The following GDF10 variants were observed in gnomAD, a reference collection of about 807,000 sequenced individuals.
GDF10 encodes growth/differentiation factor 10.
GDF10 carries 23 observed loss-of-function variants against 32.1 expected under a neutral mutation model. The ratio of observed to expected loss-of-function variants is 0.72; its 90% CI spans 0.52 to 1.02. GDF10 has a LOEUF of 1.02. Ranked by LOEUF, GDF10 falls within the 50% of genes least tolerant of loss-of-function variation. The pLI is 0.00. For synonymous variants in GDF10, 328 were observed against 303.1 expected (o/e 1.08, Z -0.85); for missense variants, 764 against 673.9 (o/e 1.13, Z -1.48).
At position 47,309,947 on chromosome 10, in the gene GDF10, T is replaced by G. The variant is rs2061037629; in HGVS notation, c.471T>G (p.Ala157=). 6.2e-7 allele frequency: 1 copy of G among 1,612,462 alleles called. No homozygotes were observed. The highest frequency in any genetic ancestry group is 1.3e-5 in the African/African-American group (1 of 74,926). Residue 157 remains alanine (A), a synonymous_variant, in exon 2 of 3, where the codon GCT becomes GCG. Transcript: ENST00000580279. ...EVLCKPRAKN[A]SGRPLPLGPP... Reference sequence around the variant, plus strand: ...TATGCAAGCCGCGGGCCAAGAACGCTTCAGGCCGCCCGCTGCCCCTGGGCC... The same window carrying G: ...TATGCAAGCCGCGGGCCAAGAACGCGTCAGGCCGCCCGCTGCCCCTGGGCC...
rs541506676 is a variant in GDF10 at position 47,300,383 on chromosome 10, C to A, written c.-269C>A. On this transcript the variant is annotated 5_prime_UTR_variant, in exon 1 of 3. Transcript: ENST00000580279. ...TCGCGGCGCGAGTCCGCCAAGGCAGCGCGCCGACTCGGGCTCGGCTCGGCT... is the reference window on the plus strand; with the variant it reads ...TCGCGGCGCGAGTCCGCCAAGGCAGAGCGCCGACTCGGGCTCGGCTCGGCT... 4 of 368,682 alleles carry A rather than the reference C, an allele frequency of 1.1e-5. No homozygotes were observed. The highest frequency in any genetic ancestry group is 1.4e-5 in the Non-Finnish European group (3 of 207,968). The allele number at this position is 368,682 out of a possible 1,614,324, so 22.8% of individuals were successfully genotyped here. A position where few individuals can be genotyped will look rare whatever the true frequency, so the allele number is the denominator to read the frequency against.
intron 1 of GDF10, among the ~76,000 whole-genome samples, chr10:47,308,684 C>T (rs558417066): frequency 6.6e-6 from 1 of 152,108 alleles, no homozygotes; most frequent in Non-Finnish European, 1.5e-5. Flanking sequence ...CCTCTCCAGA[C>T]GTTCCCCAGC....
In GDF10 at chr10:47,310,223, C is replaced by T. The variant is rs782775880; in HGVS notation, c.747C>T (p.Asn249=). ...CGCCCTACATCCTAGTCTATGCCAACGATCTGGCCATCTCGGAGCCCAACA... is the reference window on the plus strand; with the variant it reads ...CGCCCTACATCCTAGTCTATGCCAATGATCTGGCCATCTCGGAGCCCAACA... The part of the protein sequence containing the change: ...PYAPYILVYA[N]DLAISEPNSV... The change falls in exon 2 of 3, where the codon AAC becomes AAT. Residue 249 remains asparagine (N), a synonymous_variant. Transcript: ENST00000580279. 5.6e-6 allele frequency: 9 copies of T among 1,610,692 alleles called. No homozygotes were observed. Among genetic ancestry groups the T allele is most frequent in the Middle Eastern group, 1.7e-4 (1 of 6,060 alleles).
Position 47,313,502 on chromosome 10 carries a change from C to T in GDF10, c.*710C>T, listed in dbSNP as rs549415852. The T allele has an allele frequency of 5.9e-5, 9 of 152,690 alleles. No homozygotes were observed. The highest frequency in any genetic ancestry group is 2.2e-4 in the African/African-American group (9 of 41,552). The allele number at this position is 152,690 out of a possible 1,614,324, so 9.5% of individuals were successfully genotyped here. Reference sequence around the variant, plus strand: ...TTTATATTTTTGTAAATTATACTTTCTATACTGTAGATTGTGTATGTTATG... The same window carrying T: ...TTTATATTTTTGTAAATTATACTTTTTATACTGTAGATTGTGTATGTTATG... On this transcript the variant is annotated 3_prime_UTR_variant, in exon 3 of 3. Coordinates refer to ENST00000580279, the MANE Select transcript of GDF10 (RefSeq NM_004962.5).
chr10:47,311,457 G>A (rs1565749454), intron 2 of GDF10, among the ~76,000 whole-genome samples: 1 of 152,182 alleles, frequency 6.6e-6, no homozygotes, highest in Non-Finnish European at 1.5e-5. Flanking sequence ...TCTGCCCAGG[G>A]CAGGTCATGC....
Position 47,309,930 on chromosome 10 carries a change from C to A in GDF10, c.454C>A (p.Pro152Thr), listed in dbSNP as rs1555207425. The change falls in exon 2 of 3, where the codon CCG (proline) becomes ACG (threonine). Residue 152 changes from proline (P) to threonine (T), a missense_variant. Physicochemically the swap from Pro to Thr is conservative, Grantham distance 38. Coordinates refer to ENST00000580279, the MANE Select transcript of GDF10 (RefSeq NM_004962.5). ...WPRALEVLCK[P>T]RAKNASGRPL... Reference sequence around the variant, plus strand: ...TCGAGCGCTCGAGGTGCTATGCAAGCCGCGGGCCAAGAACGCTTCAGGCCG... The same window carrying A: ...TCGAGCGCTCGAGGTGCTATGCAAGACGCGGGCCAAGAACGCTTCAGGCCG... The A allele has an allele frequency of 6.2e-7, 1 of 1,612,932 alleles. No homozygotes were observed. Among genetic ancestry groups the A allele is most frequent in the African/African-American group, 1.3e-5 (1 of 75,068 alleles).
At position 47,310,647 on chromosome 10, in the gene GDF10, A is replaced by C. The variant is rs782417528; in HGVS notation, c.1171A>C (p.Asn391His). The change falls in exon 2 of 3, where the codon AAT becomes CAT. Residue 391 changes from asparagine (N) to histidine (H), a missense_variant. By Grantham distance (68) the Asn-to-His change is moderately conservative (BLOSUM62 1). Coordinates refer to ENST00000580279, the MANE Select transcript of GDF10 (RefSeq NM_004962.5). ...GGTGGACTTCGCAGACATCGGCTGGAATGAATGGATAATCTCACCGAAATC... is the reference window on the plus strand; with the variant it reads ...GGTGGACTTCGCAGACATCGGCTGGCATGAATGGATAATCTCACCGAAATC... ...LKVDFADIGW[N>H]EWIISPKSFD... 6.2e-7 allele frequency: 1 copy of C among 1,613,604 alleles called. No individual in the cohort carries two copies. Among genetic ancestry groups the C allele is most frequent in the Non-Finnish European group, 8.5e-7 (1 of 1,179,938 alleles).
At position 47,310,157 on chromosome 10, in the gene GDF10, TGAG is replaced by T; in HGVS notation, c.685_687del (p.Glu229del). The T allele has an allele frequency of 3.7e-6, 6 of 1,612,162 alleles. No homozygotes were observed. Among genetic ancestry groups the T allele is most frequent in the Non-Finnish European group, 5.1e-6 (6 of 1,179,514 alleles). ...TGCTCCTCTCCGCCCAGCTGGATTC[TGAG>T]GAGAGGGACCCGGGGGTGCCCCGGC... On this transcript the variant is annotated inframe_deletion, in exon 2 of 3. Transcript: ENST00000580279.
At chr10:47,308,383 A>G (rs2061030779) in intron 1 of GDF10, among the ~76,000 whole-genome samples, 1 of 152,102 alleles carries the variant, frequency 6.6e-6, no homozygotes, top group Admixed American at 6.5e-5. Flanking sequence ...TAAATAAGGT[A>G]ATGGCTTCAG....
At position 47,310,120 on chromosome 10, in the gene GDF10, G is replaced by A. The variant is rs34451628; in HGVS notation, c.644G>A (p.Arg215Gln). Reference protein sequence around the residue: ...DISPIVKAARRDGELLLSAQL... With the variant: ...DISPIVKAARQDGELLLSAQL... Reference sequence around the variant, plus strand: ...TCCCCCATCGTCAAGGCGGCCCGCCGGGATGGCGAGCTGCTCCTCTCCGCC... The same window carrying A: ...TCCCCCATCGTCAAGGCGGCCCGCCAGGATGGCGAGCTGCTCCTCTCCGCC... Residue 215 changes from arginine (R) to glutamine (Q), a missense_variant, in exon 2 of 3, where the codon CGG becomes CAG. Coordinates refer to ENST00000580279, the MANE Select transcript of GDF10 (RefSeq NM_004962.5). The A allele has an allele frequency of 1.0e-3, 1,638 of 1,610,418 alleles. 19 individuals carry two copies. In the African/African-American group the frequency reaches 0.02, roughly 19 times the overall value.
chr10:47,304,416 G>GAGAC (rs1555207056), intron 1 of GDF10, among the ~76,000 whole-genome samples: 1 of 151,962 alleles, frequency 6.6e-6, no homozygotes, highest in East Asian at 1.9e-4. Flanking sequence ...AGGAAGAGGA[G>GAGAC]AGACTGCAGG....
chr10:47,310,601 G>T lies in GDF10; in HGVS notation c.1125G>T (p.Val375=), dbSNP rs781893644. Residue 375 remains valine (V), a synonymous_variant, in exon 2 of 3, where the codon GTG becomes GTT. Transcript: ENST00000580279. ...ARRKQWDEPR[V]CSRRYLKVDF... The stretch of plus-strand genomic sequence containing the variant: ...GGAAGCAGTGGGATGAGCCGAGGGT[G>T]TGCTCCCGGAGGTACCTGAAGGTGG... 6.2e-7 allele frequency: 1 copy of T among 1,614,116 alleles called. No individual in the cohort carries two copies. Among genetic ancestry groups the T allele is most frequent in the East Asian group, 2.2e-5 (1 of 44,874 alleles).
chr10:47,304,200 T>C (rs2061014353), intron 1 of GDF10, among the ~76,000 whole-genome samples: 1 of 152,018 alleles, frequency 6.6e-6, no homozygotes, highest in Non-Finnish European at 1.5e-5. Context: ...TTGGTTTTAA[T>C]GATAACGCAA....
At chr10:47,305,568 TC>T (rs1421114737) in intron 1 of GDF10, among the ~76,000 whole-genome samples, 1 of 152,218 alleles carries the variant, frequency 6.6e-6, no homozygotes, top group East Asian at 1.9e-4. Flanking sequence ...CCCAGCGTTC[TC>T]ACTGATTGCC....
intron 1 of GDF10, among the ~76,000 whole-genome samples, chr10:47,304,672 AT>A (rs1374335783): frequency 1.3e-5 from 2 of 152,230 alleles, no homozygotes; most frequent in Non-Finnish European, 2.9e-5. Flanking sequence ...ATATGGATAT[AT>A]GGATATATTT....
At chr10:47,306,698 G>A (rs375379871) in intron 1 of GDF10, among the ~76,000 whole-genome samples, 7 of 152,198 alleles carry the variant, frequency 4.6e-5, no homozygotes, top group South Asian at 2.1e-4. Flanking sequence ...CTCCAGCCAC[G>A]GGAGCCCAGG....
At chr10:47,311,506 A>G (rs2061045968) in intron 2 of GDF10, among the ~76,000 whole-genome samples, 1 of 152,218 alleles carries the variant, frequency 6.6e-6, no homozygotes, top group Admixed American at 6.5e-5. Flanking sequence ...CATAAATCCA[A>G]TTTGAACTTA....
chr10:47,309,932 G>T lies in GDF10; in HGVS notation c.456G>T (p.Pro152=), dbSNP rs782091841. 1.2e-6 allele frequency: 2 copies of T among 1,612,752 alleles called. No homozygotes were observed. The highest frequency in any genetic ancestry group is 1.7e-6 in the Non-Finnish European group (2 of 1,179,838). The change falls in exon 2 of 3, where the codon CCG becomes CCT. Residue 152 remains proline, a synonymous_variant. Transcript: ENST00000580279. ...WPRALEVLCK[P]RAKNASGRPL... The stretch of plus-strand genomic sequence containing the variant: ...GAGCGCTCGAGGTGCTATGCAAGCC[G>T]CGGGCCAAGAACGCTTCAGGCCGCC...
rs140410142 is a variant in GDF10, at chr10:47,310,693, C to T, written c.1217C>T (p.Ala406Val). 3.1e-6 allele frequency: 5 copies of T among 1,613,368 alleles called. No homozygotes were observed. Among genetic ancestry groups the T allele is most frequent in the East Asian group, 4.5e-5 (2 of 44,864 alleles). The part of the protein sequence containing the change: ...SPKSFDAYYC[A>V]GACEFPMPKI... ...AAATCTTTTGATGCCTACTACTGCGCGGGAGCATGTGAGTTCCCCATGCCT... is the reference window on the plus strand; with the variant it reads ...AAATCTTTTGATGCCTACTACTGCGTGGGAGCATGTGAGTTCCCCATGCCT... The change falls in exon 2 of 3, where the codon GCG becomes GTG. Residue 406 changes from alanine to valine, a missense_variant. Transcript: ENST00000580279.
Sources: gnomAD v4.1 joint callset for allele counts (sites outside exome capture counted in the v4.1 genomes callset) on GRCh38, gnomAD v4.1.1 for gene constraint, MANE v1.5 for transcripts, NCBI Gene and HGNC (gene_info 2026-07-23, HGNC 2026-07-21) for gene names.